The following GATA5 variants were observed in gnomAD, a reference collection of about 807,000 sequenced individuals.
GATA5 encodes the protein GATA binding protein 5, also known as transcription factor GATA-5.
A neutral mutation model predicts 35.0 loss-of-function variants in GATA5; 27 were observed. The observed-to-expected ratio is 0.77, with a 90% CI of 0.57 to 1.06. GATA5 has a LOEUF of 1.06. Among genes scored for constraint, GATA5 ranks in the 50% least tolerant of loss-of-function variants. The probability of loss-of-function intolerance (pLI) is 0.00; values close to 1 mark genes in which losing one functional copy is unlikely to be tolerated. For synonymous variants in GATA5, 306 were observed against 267.8 expected (o/e 1.14, Z -1.39); for missense variants, 612 against 580.0 (o/e 1.06, Z -0.57).
Position 62,475,248 on chromosome 20 carries a change from C to CT in GATA5, c.273_274insA (p.Ala92SerfsTer94). On this transcript the variant is annotated frameshift_variant, in exon 2 of 7. Coordinates refer to ENST00000252997, the MANE Select transcript of GATA5 (RefSeq NM_080473.5). LOFTEE classifies it high-confidence loss of function. Reference sequence around the variant, plus strand: ...GAGGGGCTGTGCGCGAAAGGGAAGGCGGTGGCCCCGGGCGGGTGCGCGGCT... The same window carrying CT: ...GAGGGGCTGTGCGCGAAAGGGAAGGCTGGTGGCCCCGGGCGGGTGCGCGGCT... The CT allele has an allele frequency of 8.0e-7, 1 of 1,246,394 alleles. No homozygotes were observed. Among genetic ancestry groups the CT allele is most frequent in the Non-Finnish European group, 1.0e-6 (1 of 995,256 alleles). 77.2% of individuals were successfully genotyped at this position (1,246,394 alleles called of 1,614,324 possible).
intron 3 of GATA5, among the ~76,000 whole-genome samples, chr20:62,468,001 CTG>C (rs1349714915): frequency 6.7e-6 from 1 of 149,320 alleles, no homozygotes; most frequent in Non-Finnish European, 1.5e-5. Flanking sequence ...GCTTCCCCGT[CTG>C]TTACAGCCTG....
At chr20:62,465,023 GTGGGGCGTGGGGCGTGGGGGGC>G in intron 6 of GATA5, 32 bp from the exon 7 acceptor site, 1 of 1,088,966 alleles carries the variant, frequency 9.2e-7, no homozygotes, top group Non-Finnish European at 1.3e-6. Context: ...AGAATGTGGG[GTGGGGCGTGGGGCGTGGGGGGC>G]TGGGGGAAGC....
chr20:62,466,596 C>T lies in GATA5; in HGVS notation c.700-45G>A, dbSNP rs570390266. 1.5e-4 allele frequency: 224 copies of T among 1,530,166 alleles called. 1 individual carries two copies. In the South Asian group the frequency reaches 2.3e-3, roughly 16 times the overall value. 94.8% of individuals were successfully genotyped at this position (1,530,166 alleles called of 1,614,324 possible). On this transcript the variant is annotated intron_variant, in intron 3 of 6. Coordinates refer to ENST00000252997, the MANE Select transcript of GATA5 (RefSeq NM_080473.5). ...TGGAGTGAGCCCCGGGCCGGGTGCG[C>T]GGCTGGAGCAGGGGGACGGAAGCGA...
At chr20:62,469,148 C>A (rs1194444505) in intron 3 of GATA5, among the ~76,000 whole-genome samples, 2 of 152,216 alleles carry the variant, frequency 1.3e-5, no homozygotes, top group African/African-American at 2.4e-5. Context: ...GGAAAGAAAT[C>A]TCCCCCAGGG....
Position 62,464,263 on chromosome 20 carries a change from T to G in GATA5, c.*573A>C, listed in dbSNP as rs919312687. The G allele has an allele frequency of 6.6e-6, 1 of 152,104 alleles. No homozygotes were observed. Among genetic ancestry groups the G allele is most frequent in the Admixed American group, 6.5e-5 (1 of 15,282 alleles). The allele number at this position is 152,104 out of a possible 1,614,324, so 9.4% of individuals were successfully genotyped here. A position where few individuals can be genotyped will look rare whatever the true frequency, so the allele number is the denominator to read the frequency against. ...TCCTGGCACCGTGCGCGGCCCGCAC[T>G]CCGATCCCTGGCAGTCCTGCACCTG... On this transcript the variant is annotated 3_prime_UTR_variant, in exon 7 of 7. Coordinates refer to ENST00000252997, the MANE Select transcript of GATA5 (RefSeq NM_080473.5).
At chr20:62,467,456 T>G (rs918876223) in intron 3 of GATA5, among the ~76,000 whole-genome samples, 1 of 152,186 alleles carries the variant, frequency 6.6e-6, no homozygotes, top group South Asian at 2.1e-4. Flanking sequence ...TTCCCGAATC[T>G]CAGAGCACAG....
Position 62,473,424 on chromosome 20 carries a change from G to A in GATA5, c.678C>T (p.Leu226=), listed in dbSNP as rs139428354. The change falls in exon 3 of 7, where the codon CTC becomes CTT. Residue 226 remains leucine, a synonymous_variant. Coordinates refer to ENST00000252997, the MANE Select transcript of GATA5 (RefSeq NM_080473.5). ...TCACCAGGCGCTTCTGAGGCCGAAC[G>A]AGCGGCCGGTTGACGCCATTCATCT... ...YHKMNGVNRP[L]VRPQKRLSSS... is the part of the protein sequence containing the mutation. 455 of 1,608,906 alleles carry A rather than the reference G, an allele frequency of 2.8e-4. No individual in the cohort carries two copies. The highest frequency in any genetic ancestry group is 3.7e-4 in the Non-Finnish European group (433 of 1,178,292).
At chr20:62,467,770 C>A (rs1477305833) in intron 3 of GATA5, among the ~76,000 whole-genome samples, 8 of 152,256 alleles carry the variant, frequency 5.3e-5, no homozygotes, top group African/African-American at 1.4e-4. Context: ...ATTCTCTAGC[C>A]AGGACAGAGC....
intron 3 of GATA5, among the ~76,000 whole-genome samples, chr20:62,467,293 G>A (rs181997578): frequency 6.6e-6 from 1 of 152,322 alleles, no homozygotes; most frequent in African/African-American, 2.4e-5. Context: ...GCTGCCTGGG[G>A]AGTCCCTGTT....
In GATA5 at chr20:62,470,956, C is replaced by T. The variant is rs1989705679; in HGVS notation, c.699+2447G>A. On this transcript the variant is annotated intron_variant, in intron 3 of 6. Transcript: ENST00000252997. This position sits in a 1 kb window ranked among gnomAD's most constrained non-coding sequence, Gnocchi z 4.6. ...TGGAGGCCTCATCACGCCAAGGGCCCCCATTAGCCCGTCCTCAGAGCCAAG... is the reference window on the plus strand; with the variant it reads ...TGGAGGCCTCATCACGCCAAGGGCCTCCATTAGCCCGTCCTCAGAGCCAAG... Among the ~76,000 whole-genome samples the T allele has an allele frequency of 6.6e-6, 1 of 152,192 alleles. No homozygotes were observed. Among genetic ancestry groups the T allele is most frequent in the Non-Finnish European group, 1.5e-5 (1 of 68,026 alleles).
intron 3 of GATA5, 43 bp downstream of exon 3, chr20:62,473,360 G>T: frequency 1.3e-6 from 2 of 1,569,064 alleles, no homozygotes; most frequent in Non-Finnish European, 8.6e-7. Flanking sequence ...TCCCCTCGGG[G>T]GAGCACTGCG....
chr20:62,471,678 G>A (rs564234647), intron 3 of GATA5, among the ~76,000 whole-genome samples: 7 of 151,342 alleles, frequency 4.6e-5, no homozygotes, highest in African/African-American at 1.7e-4. Flanking sequence ...TGATCCTCCT[G>A]CCTTAGCCTC....
chr20:62,475,274 G>A lies in GATA5; in HGVS notation c.248C>T (p.Pro83Leu), dbSNP rs994848200. The change falls in exon 2 of 7, where the codon CCA (proline) becomes CTA (leucine). Residue 83 changes from proline to leucine, a missense_variant. Transcript: ENST00000252997. ...GGTGGCCCCGGGCGGGTGCGCGGCT[G>A]GGGGGTGCGGACTGCCCGGGCCGAA... The part of the protein sequence containing the change: ...SAFGPGSPHP[P>L]AAHPPGATAF... 5.6e-6 allele frequency: 7 copies of A among 1,245,736 alleles called. No homozygotes were observed. The highest frequency in any genetic ancestry group is 4.2e-5 in the Admixed American group (1 of 23,638). 77.2% of individuals were successfully genotyped at this position (1,245,736 alleles called of 1,614,324 possible). A position where few individuals can be genotyped will look rare whatever the true frequency, so the allele number is the denominator to read the frequency against.
intron 2 of GATA5, among the ~76,000 whole-genome samples, chr20:62,474,431 A>G (rs1989801832): frequency 6.6e-6 from 1 of 152,206 alleles, no homozygotes; most frequent in East Asian, 1.9e-4. Context: ...GCAGCTCCGG[A>G]GCTGGGTGTC....
Position 62,466,539 on chromosome 20 carries a change from G to A in GATA5, c.712C>T (p.Arg238Cys), listed in dbSNP as rs1085307586. The A allele has an allele frequency of 6.4e-6, 10 of 1,552,364 alleles. No individual in the cohort carries two copies. Among genetic ancestry groups the A allele is most frequent in the South Asian group, 5.9e-5 (5 of 84,312 alleles). ...RPQKRLSSSR[R>C]AGLCCTNCHT... The stretch of plus-strand genomic sequence containing the variant: ...CAGTTGGTGCAGCAGAGGCCGGCGC[G>A]GCGGGACGAGGACTGTGGGGGCGAG... The change falls in exon 4 of 7, where the codon CGC (arginine) becomes TGC (cysteine). Residue 238 changes from arginine to cysteine, a missense_variant. Arg to Cys is a radical substitution (Grantham distance 180). Coordinates refer to ENST00000252997, the MANE Select transcript of GATA5 (RefSeq NM_080473.5).
chr20:62,472,695 A>G (rs1446451637), intron 3 of GATA5, among the ~76,000 whole-genome samples: 1 of 152,226 alleles, frequency 6.6e-6, no homozygotes, highest in Non-Finnish European at 1.5e-5. Flanking sequence ...GTATAGAACA[A>G]AGCAACTTTC....
At position 62,471,432 on chromosome 20, in the gene GATA5, A is replaced by ATTTTTTTTTTTTTTTTTTTTT. The variant is rs574764628; in HGVS notation, c.699+1970_699+1971insAAAAAAAAAAAAAAAAAAAAA. Among the ~76,000 whole-genome samples, 477 of 81,668 alleles carry ATTTTTTTTTTTTTTTTTTTTT rather than the reference A, an allele frequency of 5.8e-3. 81 individuals carry two copies. Among genetic ancestry groups the ATTTTTTTTTTTTTTTTTTTTT allele is most frequent in the African/African-American group, 0.014 (281 of 20,402 alleles). 53.6% of individuals were successfully genotyped at this position (81,668 alleles called of 152,430 possible). ...TAAAGAGAAGTTAATTTCAATTACA[A>ATTTTTTTTTTTTTTTTTTTTT]TTTTTTTTTTTTTTTTTGTGATGAG... On this transcript the variant is annotated intron_variant, in intron 3 of 6. Transcript: ENST00000252997.
At position 62,466,588 on chromosome 20, in the gene GATA5, C is replaced by T. The variant is rs369189177; in HGVS notation, c.700-37G>A. 3.2e-4 allele frequency: 498 copies of T among 1,533,058 alleles called. 1 individual carries two copies. In the African/African-American group the frequency reaches 5.4e-3, roughly 17 times the overall value. The allele number at this position is 1,533,058 out of a possible 1,614,324, so 95.0% of individuals were successfully genotyped here. On this transcript the variant is annotated intron_variant, in intron 3 of 6. Transcript: ENST00000252997. Reference sequence around the variant, plus strand: ...AGGGAGACTGGAGTGAGCCCCGGGCCGGGTGCGCGGCTGGAGCAGGGGGAC... The same window carrying T: ...AGGGAGACTGGAGTGAGCCCCGGGCTGGGTGCGCGGCTGGAGCAGGGGGAC...
At position 62,464,541 on chromosome 20, in the gene GATA5, T is replaced by C. The variant is rs1418769071; in HGVS notation, c.*295A>G. The stretch of plus-strand genomic sequence containing the variant: ...AAGTTGGTGGTGGTGGTGCCCTGCG[T>C]TGGCCTCCGCCGCAGGGGGCCAGTG... On this transcript the variant is annotated 3_prime_UTR_variant, in exon 7 of 7. Coordinates refer to ENST00000252997, the MANE Select transcript of GATA5 (RefSeq NM_080473.5). The C allele has an allele frequency of 1.4e-5, 4 of 293,660 alleles. No individual in the cohort carries two copies. The highest frequency in any genetic ancestry group is 2.5e-5 in the Non-Finnish European group (4 of 158,954). The allele number at this position is 293,660 out of a possible 1,614,324, so 18.2% of individuals were successfully genotyped here. A position where few individuals can be genotyped will look rare whatever the true frequency, so the allele number is the denominator to read the frequency against.
Sources: gnomAD v4.1 joint callset for allele counts (sites outside exome capture counted in the v4.1 genomes callset) on GRCh38, gnomAD v4.1.1 for gene constraint, Gnocchi (gnomAD v3.1) non-coding constraint, MANE v1.5 for transcripts, NCBI Gene and HGNC (gene_info 2026-07-23, HGNC 2026-07-21) for gene names.